The following TFDP2 variants were observed in gnomAD, a reference collection of about 807,000 sequenced individuals.
TFDP2 encodes transcription factor Dp-2, also known as transcription factor Dp-2 (E2F dimerization partner 2).
Under a neutral mutation model 59.3 loss-of-function variants are expected in TFDP2, and 17 were observed. The observed-to-expected ratio is 0.29, with a 90% CI of 0.20 to 0.43. The LOEUF (loss-of-function observed/expected upper bound fraction) is 0.43, where lower values mean the gene tolerates loss of function less well. Among genes scored for constraint, TFDP2 ranks in the 20% least tolerant of loss-of-function variants. The probability of loss-of-function intolerance (pLI) is 1.00; values close to 1 mark genes in which losing one functional copy is unlikely to be tolerated. For missense variants in TFDP2, 391 were observed against 528.8 expected (o/e 0.74, Z 2.56); for synonymous variants, 180 against 194.7 (o/e 0.92, Z 0.63).
intron 3 of TFDP2, among the ~76,000 whole-genome samples, chr3:142,092,703 T>C (rs1037734879): frequency 1.3e-5 from 2 of 152,190 alleles, no homozygotes; most frequent in African/African-American, 4.8e-5. Flanking sequence ...GTATATAAAA[T>C]ATACAAAACA....
At position 142,016,443 on chromosome 3, in the gene TFDP2, T is replaced by C. The variant is rs1290069813; in HGVS notation, c.83-10899A>G. On this transcript the variant is annotated intron_variant, in intron 3 of 12. Transcript: ENST00000489671. ...CCTCCCGAGTAGCTGGGACTACAGG[T>C]GCCCACCAGCACACCTGGCTAATTT... 2.0e-5 allele frequency among the ~76,000 whole-genome samples: 3 copies of C among 151,606 alleles called. No individual in the cohort carries two copies. In the East Asian group the frequency reaches 5.8e-4, roughly 30 times the overall value.
At chr3:142,037,814 A>C (rs939517134) in intron 3 of TFDP2, among the ~76,000 whole-genome samples, 2 of 152,180 alleles carry the variant, frequency 1.3e-5, no homozygotes, top group Admixed American at 6.5e-5. Flanking sequence ...AATATTCTTT[A>C]AATACTCTCA....
chr3:142,060,016 T>C (rs959831442), intron 3 of TFDP2, among the ~76,000 whole-genome samples: 2 of 152,228 alleles, frequency 1.3e-5, no homozygotes, highest in African/African-American at 4.8e-5. Context: ...ACATCTTAAA[T>C]AATATAAAGA....
chr3:142,073,211 A>G (rs879603840), intron 3 of TFDP2, among the ~76,000 whole-genome samples: 3 of 152,194 alleles, frequency 2.0e-5, no homozygotes, highest in Non-Finnish European at 4.4e-5. Context: ...CTAGGAGTAC[A>G]GGTATGTGCC....
chr3:142,092,487 C>T (rs1011395379), intron 3 of TFDP2, among the ~76,000 whole-genome samples: 2 of 151,990 alleles, frequency 1.3e-5, no homozygotes, highest in African/African-American at 2.4e-5. Flanking sequence ...TCACCATGCC[C>T]GGCTAAGTTT....
intron 1 of TFDP2, among the ~76,000 whole-genome samples, chr3:142,105,878 T>G (rs1056784695): frequency 6.6e-6 from 1 of 152,154 alleles, no homozygotes; most frequent in Admixed American, 6.5e-5. Flanking sequence ...TCTAAAATAG[T>G]AAGAGTCAGC....
intron 3 of TFDP2, among the ~76,000 whole-genome samples, chr3:142,053,120 A>G (rs1341909049): frequency 6.6e-6 from 1 of 152,182 alleles, no homozygotes; most frequent in East Asian, 1.9e-4. Flanking sequence ...GATTTCTTAA[A>G]TAGGATACAA....
intron 1 of TFDP2, among the ~76,000 whole-genome samples, chr3:142,112,261 T>C (rs1012730332): frequency 8.5e-5 from 13 of 152,210 alleles, no homozygotes; most frequent in African/African-American, 2.7e-4. Context: ...ACTCATTTCT[T>C]GACTATACCA....
At chr3:142,114,592 TA>T (rs1195306102) in intron 1 of TFDP2, among the ~76,000 whole-genome samples, 1 of 151,972 alleles carries the variant, frequency 6.6e-6, no homozygotes, top group Non-Finnish European at 1.5e-5. Context: ...TTATACTAAC[TA>T]AAGGTTAACT....
chr3:142,144,039 G>GGTAC (rs1476457587), intron 1 of TFDP2, among the ~76,000 whole-genome samples: 1 of 133,990 alleles, frequency 7.5e-6, no homozygotes, highest in Non-Finnish European at 1.8e-5. Context: ...AAGAAAATGT[G>GGTAC]GTACATACAT....
chr3:142,025,507 T>C (rs1366569446), intron 3 of TFDP2, among the ~76,000 whole-genome samples: 3 of 152,206 alleles, frequency 2.0e-5, no homozygotes, highest in Non-Finnish European at 4.4e-5. Context: ...TTGTAAGTGA[T>C]ACACATTTTT....
intron 1 of TFDP2, among the ~76,000 whole-genome samples, chr3:142,130,314 T>C (rs1236602273): frequency 6.6e-6 from 1 of 152,054 alleles, no homozygotes; most frequent in Non-Finnish European, 1.5e-5. Flanking sequence ...GTGAGGACAT[T>C]ATGCAAAGTG....
chr3:142,129,977 G>C (rs900858010), intron 1 of TFDP2, among the ~76,000 whole-genome samples: 14 of 152,036 alleles, frequency 9.2e-5, no homozygotes, highest in Non-Finnish European at 2.1e-4. Context: ...TAGAATACTT[G>C]TGCCCTGCTG....
chr3:141,989,812 TTTCA>T (rs1942547090), intron 6 of TFDP2, among the ~76,000 whole-genome samples: 1 of 152,060 alleles, frequency 6.6e-6, no homozygotes, highest in Admixed American at 6.5e-5. Context: ...TAACACTAGC[TTTCA>T]TTTTCTAGTT....
intron 3 of TFDP2, among the ~76,000 whole-genome samples, chr3:142,085,074 C>CCA (rs562390891): frequency 4.1e-4 from 63 of 152,202 alleles, no homozygotes; most frequent in East Asian, 3.9e-3. Context: ...GCGAGTGCCA[C>CCA]CACACTCGGC....
Position 142,070,173 on chromosome 3 carries a change from C to T in TFDP2, c.82+22888G>A, listed in dbSNP as rs562641376. Among the ~76,000 whole-genome samples the T allele has an allele frequency of 5.9e-5, 9 of 152,360 alleles. No homozygotes were observed. In the South Asian group the frequency reaches 1.9e-3, roughly 32 times the overall value. On this transcript the variant is annotated intron_variant, in intron 3 of 12. Transcript: ENST00000489671. Reference sequence around the variant, plus strand: ...CTGCCCATCTCGGCCTCCCAAAGTGCTGGGATTATAGGCGTGAGCCACCGC... The same window carrying T: ...CTGCCCATCTCGGCCTCCCAAAGTGTTGGGATTATAGGCGTGAGCCACCGC...
intron 1 of TFDP2, among the ~76,000 whole-genome samples, chr3:142,137,417 T>C (rs1339475283): frequency 6.6e-6 from 1 of 152,202 alleles, no homozygotes; most frequent in Admixed American, 6.5e-5. Flanking sequence ...TCCAACACTA[T>C]GTTGAATAGA....
intron 11 of TFDP2, 39 bp from the exon 12 acceptor site, chr3:141,953,055 A>C: frequency 6.9e-7 from 1 of 1,454,016 alleles, no homozygotes; most frequent in Non-Finnish European, 9.7e-7. Flanking sequence ...TCGGTCCTGC[A>C]AGTTCTGTGG....
At chr3:141,968,356 CAT>C (rs1255115109) in intron 9 of TFDP2, among the ~76,000 whole-genome samples, 1 of 101,056 alleles carries the variant, frequency 9.9e-6, no homozygotes, top group African/African-American at 3.4e-5. Context: ...CTATATATAA[CAT>C]ATATCTCATA....
Sources: gnomAD v4.1 joint callset for allele counts (sites outside exome capture counted in the v4.1 genomes callset) on GRCh38, gnomAD v4.1.1 for gene constraint, MANE v1.5 for transcripts, NCBI Gene and HGNC (gene_info 2026-07-23, HGNC 2026-07-21) for gene names.